The following CAGE1 variants were observed in gnomAD, a reference collection of about 807,000 sequenced individuals.
CAGE1 encodes the protein cancer-associated gene 1 protein.
A neutral mutation model predicts 94.9 loss-of-function variants in CAGE1; 66 were observed. The observed-to-expected ratio is 0.70, with a 90% CI of 0.57 to 0.85. The LOEUF is 0.85. Among genes scored for constraint, CAGE1 ranks in the 40% least tolerant of loss-of-function variants. The pLI is 0.00. For synonymous variants in CAGE1, 319 were observed against 321.0 expected, an observed-to-expected ratio of 0.99 and a Z score of 0.07; for missense variants, 865 against 950.4, an observed-to-expected ratio of 0.91 and a Z score of 1.18.
intron 7 of CAGE1, among the ~76,000 whole-genome samples, chr6:7,368,312 C>G (rs1248768407): frequency 6.6e-6 from 1 of 151,158 alleles, no homozygotes; most frequent in African/African-American, 2.4e-5. Context: ...CCAAGAACCT[C>G]TGCCCTCACC....
At position 7,350,532 on chromosome 6, in the gene CAGE1, T is replaced by A. The variant is rs935775689; in HGVS notation, c.2369+4509A>T. Among the ~76,000 whole-genome samples the A allele has an allele frequency of 5.9e-5, 9 of 152,066 alleles. 1 individual carries two copies. The highest frequency in any genetic ancestry group is 1.7e-4 in the African/African-American group (7 of 41,416). On this transcript the variant is annotated intron_variant, in intron 11 of 13. Transcript: ENST00000502583. The stretch of plus-strand genomic sequence containing the variant: ...GGCCATAAAACGAGCCTCAATAAAT[T>A]TAAGAAAACTGAAATTATATCAAGC...
intron 13 of CAGE1, among the ~76,000 whole-genome samples, chr6:7,328,614 G>C (rs1758613294): frequency 6.6e-6 from 1 of 152,112 alleles, no homozygotes; most frequent in Non-Finnish European, 1.5e-5. Context: ...GGGCAGTGAG[G>C]GGAGGATAGG....
Position 7,326,675 on chromosome 6 carries a change from TA to T in CAGE1, c.*182del, listed in dbSNP as rs1245969758. 2 of 597,974 alleles carry T rather than the reference TA, an allele frequency of 3.3e-6. No homozygotes were observed. Among genetic ancestry groups the T allele is most frequent in the African/African-American group, 3.8e-5 (2 of 53,330 alleles). 37.0% of individuals were successfully genotyped at this position (597,974 alleles called of 1,614,324 possible). A position where few individuals can be genotyped will look rare whatever the true frequency, so the allele number is the denominator to read the frequency against. Reference sequence around the variant, plus strand: ...ATTCTTCTGTTTATGTTAAATAGAATATATTTGATTATTCACAGGAAGAAAT... The same window carrying T: ...ATTCTTCTGTTTATGTTAAATAGAATTATTTGATTATTCACAGGAAGAAAT... On this transcript the variant is annotated 3_prime_UTR_variant, in exon 14 of 14. Coordinates refer to ENST00000502583, the MANE Select transcript of CAGE1 (RefSeq NM_001170692.2).
In CAGE1 at chr6:7,356,140, A is replaced by G. The variant is rs1369008584; in HGVS notation, c.2194-11T>C. 1 of 1,439,386 alleles carries G rather than the reference A, an allele frequency of 6.9e-7. No individual in the cohort carries two copies. Among genetic ancestry groups the G allele is most frequent in the African/African-American group, 1.4e-5 (1 of 70,662 alleles). 89.2% of individuals were successfully genotyped at this position (1,439,386 alleles called of 1,614,324 possible). A position where few individuals can be genotyped will look rare whatever the true frequency, so the allele number is the denominator to read the frequency against. On this transcript the variant is annotated splice_polypyrimidine_tract_variant and intron_variant, in intron 9 of 13. Coordinates refer to ENST00000502583, the MANE Select transcript of CAGE1 (RefSeq NM_001170692.2). ...TCCCAGTTTTGTGATCTATGGAGAA[A>G]TATCAGTAAACATACTAATCTGGAA...
intron 11 of CAGE1, among the ~76,000 whole-genome samples, chr6:7,345,319 C>A (rs1018698299): frequency 2.6e-5 from 4 of 151,888 alleles, no homozygotes; most frequent in African/African-American, 9.7e-5. Flanking sequence ...TCTGAACCAG[C>A]GAGACCACTA....
rs759568146 is a variant in CAGE1 at position 7,378,704 on chromosome 6, C to T, written c.600G>A (p.Met200Ile). ...SPPLIHCSGE[M>I]LKFTEKSLAK... is the part of the protein sequence containing the mutation. ...CCAGTGACTTTTCTGTAAATTTCAG[C>T]ATCTCTCCACTGCAGTGGATTAGAG... Residue 200 changes from methionine (M) to isoleucine (I), a missense_variant, in exon 4 of 14, where the codon ATG (methionine) becomes ATA (isoleucine). Met to Ile is a conservative substitution (Grantham distance 10, BLOSUM62 1). Coordinates refer to ENST00000502583, the MANE Select transcript of CAGE1 (RefSeq NM_001170692.2). 10 of 1,613,500 alleles carry T rather than the reference C, an allele frequency of 6.2e-6. No homozygotes were observed. The highest frequency in any genetic ancestry group is 8.5e-6 in the Non-Finnish European group (10 of 1,179,768).
chr6:7,367,226 A>G (rs1760372460), intron 7 of CAGE1, among the ~76,000 whole-genome samples: 1 of 151,284 alleles, frequency 6.6e-6, no homozygotes, highest in East Asian at 1.9e-4. Flanking sequence ...CAGTAATTAC[A>G]CAGAAAAAAT....
chr6:7,360,688 A>G (rs574512202), intron 9 of CAGE1, among the ~76,000 whole-genome samples: 18 of 152,350 alleles, frequency 1.2e-4, no homozygotes, highest in Admixed American at 3.9e-4. Flanking sequence ...TCACAGCTGT[A>G]ATCCCAACAC....
chr6:7,355,080 G>A lies in CAGE1; in HGVS notation c.2330C>T (p.Ala777Val). The change falls in exon 11 of 14, where the codon GCT (alanine) becomes GTT (valine). Residue 777 changes from alanine to valine, a missense_variant. By Grantham distance (64) the Ala-to-Val change is moderately conservative (BLOSUM62 0). Transcript: ENST00000502583. ...VTSYEEIIEC[A>V]DQRLAISHSQ... ...GTGGGATATTGCAAGCCTTTGGTCA[G>A]CACATTCAATGATTTCTTCATATGA... 1 of 1,607,858 alleles carries A rather than the reference G, an allele frequency of 6.2e-7. No homozygotes were observed. Among genetic ancestry groups the A allele is most frequent in the Non-Finnish European group, 8.5e-7 (1 of 1,176,632 alleles).
chr6:7,335,521 A>G, intron 11 of CAGE1, among the ~76,000 whole-genome samples: 1 of 152,212 alleles, frequency 6.6e-6, no homozygotes, highest in East Asian at 1.9e-4. Context: ...GCTCTTGCCA[A>G]ATGTTGCCAT....
intron 11 of CAGE1, 142 bp downstream of exon 11, chr6:7,354,899 C>T (rs1759897536): frequency 3.4e-6 from 2 of 581,234 alleles, no homozygotes; most frequent in Admixed American, 3.1e-5. Context: ...GCAGTCTATA[C>T]CTATATTAAT....
rs1218001192 is a variant in CAGE1 at position 7,381,847 on chromosome 6, C to CT, written c.284-2828dup. Among the ~76,000 whole-genome samples the CT allele has an allele frequency of 4.4e-3, 610 of 139,188 alleles. 1 individual carries two copies. Among genetic ancestry groups the CT allele is most frequent in the African/African-American group, 0.011 (435 of 38,420 alleles). The allele number at this position is 139,188 out of a possible 152,430, so 91.3% of individuals were successfully genotyped here. On this transcript the variant is annotated intron_variant, in intron 3 of 13. Transcript: ENST00000502583. ...CCCGGCCTGAATTATGTGCCTTTTT[C>CT]TTTTTTTTTTTGAGACAGAGTCTCA... is the stretch of plus-strand genomic sequence containing the variant.
At chr6:7,331,426 C>A in intron 12 of CAGE1, 2 of 568,688 alleles carry the variant, frequency 3.5e-6, no homozygotes, top group Non-Finnish European at 5.9e-6. Context: ...ATAAGGCTAC[C>A]AAAGACTGTT....
At chr6:7,358,027 G>GAGATATATATATAT (rs1314868882) in intron 9 of CAGE1, among the ~76,000 whole-genome samples, 4 of 48,078 alleles carry the variant, frequency 8.3e-5, no homozygotes, top group African/African-American at 1.2e-4. Context: ...TAAGTTTTGA[G>GAGATATATATATAT]ATATATATAT....
intron 9 of CAGE1, among the ~76,000 whole-genome samples, chr6:7,359,953 A>G (rs1269583795): frequency 6.6e-6 from 1 of 152,186 alleles, no homozygotes; most frequent in African/African-American, 2.4e-5. Context: ...TCACTGGGCT[A>G]AAGTCAAAGT....
intron 10 of CAGE1, 79 bp from the exon 11 acceptor site, chr6:7,355,190 G>T: frequency 1.1e-6 from 1 of 902,108 alleles, no homozygotes; most frequent in Non-Finnish European, 1.7e-6. Context: ...ACAAGTTGAA[G>T]CTTAATTATC....
intron 3 of CAGE1, among the ~76,000 whole-genome samples, chr6:7,381,475 T>C (rs904129207): frequency 6.6e-6 from 1 of 152,152 alleles, no homozygotes; most frequent in African/African-American, 2.4e-5. Flanking sequence ...TGTGGTGTTT[T>C]GTTATGGCAG....
chr6:7,378,244 G>A (rs1760820428), intron 4 of CAGE1, among the ~76,000 whole-genome samples: 1 of 152,156 alleles, frequency 6.6e-6, no homozygotes, highest in Admixed American at 6.6e-5. Context: ...GAAACATATA[G>A]ACGCTGTGGT....
Position 7,385,832 on chromosome 6 carries a change from GATTCATACTCATTTTCCCTTTCAAA to G in CAGE1, c.211_235del (p.Phe71ProfsTer11). 1 of 1,542,734 alleles carries G rather than the reference GATTCATACTCATTTTCCCTTTCAAA, an allele frequency of 6.5e-7. No individual in the cohort carries two copies. ...GCCATAAGCATCTTCACAAAGTGTG[GATTCATACTCATTTTCCCTTTCAAA>G]ATTCTTTATTTCGTTCTGTATTAAT... On this transcript the variant is annotated frameshift_variant, in exon 3 of 14. Transcript: ENST00000502583. LOFTEE classifies it high-confidence loss of function.
Sources: gnomAD v4.1 joint callset for allele counts (sites outside exome capture counted in the v4.1 genomes callset) on GRCh38, gnomAD v4.1.1 for gene constraint, MANE v1.5 for transcripts, NCBI Gene and HGNC (gene_info 2026-07-23, HGNC 2026-07-21) for gene names.